DGKI: variants seen among roughly 807,000 people sequenced by gnomAD.
DGKI encodes diacylglycerol kinase iota.
In DGKI, 55 loss-of-function variants were observed where a neutral mutation model predicts 147.5. The ratio of observed to expected loss-of-function variants is 0.37; its 90% CI spans 0.30 to 0.47. The LOEUF is 0.47. Among genes scored for constraint, DGKI ranks in the 20% least tolerant of loss-of-function variants. DGKI has a pLI of 1.00. For synonymous variants in DGKI, 469 were observed against 477.1 expected, an observed-to-expected ratio of 0.98 and a Z score of 0.22; for missense variants, 1,007 against 1,323.8, an observed-to-expected ratio of 0.76 and a Z score of 3.71.
chr7:137,395,842 T>C lies in DGKI; in HGVS notation c.2958-145A>G, dbSNP rs892523816. The C allele has an allele frequency of 2.0e-5, 12 of 602,456 alleles. No individual in the cohort carries two copies. The African/African-American group carries it at 2.2e-4, about 11-fold the overall frequency. 37.3% of individuals were successfully genotyped at this position (602,456 alleles called of 1,614,324 possible). A position where few individuals can be genotyped will look rare whatever the true frequency, so the allele number is the denominator to read the frequency against. On this transcript the variant is annotated intron_variant, in intron 31 of 32. Coordinates refer to ENST00000614521, the MANE Select transcript of DGKI (RefSeq NM_001321708.2). ...GGCTGTAGGGTACATTCTGGGGAGG[T>C]AGGGAAGGGGATTTCTAAAAATTCC... is the stretch of plus-strand genomic sequence containing the variant.
intron 28 of DGKI, among the ~76,000 whole-genome samples, chr7:137,422,329 T>G (rs1378772091): frequency 6.6e-6 from 1 of 152,196 alleles, no homozygotes; most frequent in Non-Finnish European, 1.5e-5. Flanking sequence ...AAATACCTTC[T>G]GGAAAATCTC....
intron 20 of DGKI, among the ~76,000 whole-genome samples, chr7:137,522,313 G>GTGGA (rs1038508397): frequency 6.6e-6 from 1 of 152,056 alleles, no homozygotes; most frequent in African/African-American, 2.4e-5. Context: ...GGGAGGTGGA[G>GTGGA]TGGAGCTTTA....
intron 3 of DGKI, among the ~76,000 whole-genome samples, chr7:137,672,983 T>C (rs1359533789): frequency 1.3e-5 from 2 of 151,984 alleles, no homozygotes; most frequent in Non-Finnish European, 2.9e-5. Flanking sequence ...GGTTTCTCCA[T>C]GTTAGTCAGG....
intron 6 of DGKI, 65 bp from the exon 7 acceptor site, chr7:137,623,619 C>T: frequency 7.1e-7 from 1 of 1,412,692 alleles, no homozygotes. Flanking sequence ...CATTTGCCCT[C>T]CTGAAGTGCA....
intron 20 of DGKI, among the ~76,000 whole-genome samples, chr7:137,550,247 C>T (rs1332811692): frequency 6.7e-6 from 1 of 149,954 alleles, no homozygotes; most frequent in Non-Finnish European, 1.5e-5. Flanking sequence ...CTCCATGAAA[C>T]TTCTGCCTTG....
intron 3 of DGKI, among the ~76,000 whole-genome samples, chr7:137,674,650 C>G (rs1293476362): frequency 6.6e-6 from 1 of 152,222 alleles, no homozygotes; most frequent in African/African-American, 2.4e-5. Flanking sequence ...TTCTCTGACA[C>G]ATGCTCATGC....
At chr7:137,751,644 C>G (rs748517015) in intron 1 of DGKI, among the ~76,000 whole-genome samples, 1 of 152,150 alleles carries the variant, frequency 6.6e-6, no homozygotes, top group Non-Finnish European at 1.5e-5. Flanking sequence ...AAGGAAAAGA[C>G]TAAATTAAAC....
At chr7:137,753,987 G>T (rs973453050) in intron 1 of DGKI, among the ~76,000 whole-genome samples, 1 of 152,110 alleles carries the variant, frequency 6.6e-6, no homozygotes, top group Admixed American at 6.5e-5. Context: ...GCGTGGAGGG[G>T]GAGGAGAAGA....
chr7:137,514,530 C>T (rs548322770), intron 21 of DGKI, among the ~76,000 whole-genome samples: 36 of 152,306 alleles, frequency 2.4e-4, no homozygotes, highest in African/African-American at 8.4e-4. Flanking sequence ...TTCCAATGAA[C>T]AAGCTCTCCT....
chr7:137,533,234 A>C (rs1348187301), intron 20 of DGKI, among the ~76,000 whole-genome samples: 1 of 152,116 alleles, frequency 6.6e-6, no homozygotes, highest in Non-Finnish European at 1.5e-5. Context: ...GATTGCAATC[A>C]ACTATAATAG....
chr7:137,428,174 C>G (rs980024384), intron 28 of DGKI, among the ~76,000 whole-genome samples: 1 of 146,542 alleles, frequency 6.8e-6, no homozygotes, highest in Non-Finnish European at 1.5e-5. Flanking sequence ...CAAAACGAAT[C>G]CAGCAGCACA....
chr7:137,823,516 T>C (rs1260811411), intron 1 of DGKI, among the ~76,000 whole-genome samples: 3 of 152,024 alleles, frequency 2.0e-5, no homozygotes, highest in African/African-American at 7.3e-5. Context: ...CATCTAAAAA[T>C]AGGAAGAGAG....
At chr7:137,521,561 G>A (rs2293549) in intron 21 of DGKI, among the ~76,000 whole-genome samples, 3,993 of 152,128 alleles carry the variant, frequency 0.026, 174 homozygotes, top group East Asian at 0.11. Flanking sequence ...CTATACCATT[G>A]GTATCACGAA....
At position 137,638,678 on chromosome 7, in the gene DGKI, G is replaced by T. The variant is rs551013372; in HGVS notation, c.804+6794C>A. On this transcript the variant is annotated intron_variant, in intron 6 of 32. Transcript: ENST00000614521. ...TACACACATATGTATATATACACAC[G>T]TATGTACACACAGATACATATGTAC... 4.5e-4 allele frequency among the ~76,000 whole-genome samples: 55 copies of T among 123,030 alleles called. 7 individuals are homozygous for T. Among genetic ancestry groups the T allele is most frequent in the African/African-American group, 1.6e-3 (47 of 29,696 alleles). The allele number at this position is 123,030 out of a possible 152,430, so 80.7% of individuals were successfully genotyped here.
At chr7:137,418,521 CAT>C (rs1277081256) in intron 28 of DGKI, among the ~76,000 whole-genome samples, 1 of 152,070 alleles carries the variant, frequency 6.6e-6, no homozygotes, top group Non-Finnish European at 1.5e-5. Flanking sequence ...TTGGCAAAGC[CAT>C]ATATATATGT....
Position 137,520,356 on chromosome 7 carries a change from T to C in DGKI, c.2248+1510A>G, listed in dbSNP as rs192434689. On this transcript the variant is annotated intron_variant, in intron 21 of 32. Transcript: ENST00000614521. ...ACACTGTTCTTTATGATTAGTAACC[T>C]TTAGAACTCAATTTAATTTGCATTG... Among the ~76,000 whole-genome samples the C allele has an allele frequency of 3.0e-3, 450 of 152,248 alleles. 3 individuals carry two copies. Among genetic ancestry groups the C allele is most frequent in the South Asian group, 0.022 (107 of 4,828 alleles).
chr7:137,502,935 G>A (rs7781327), intron 21 of DGKI, among the ~76,000 whole-genome samples: 9,710 of 152,158 alleles, frequency 0.064, 757 homozygotes, highest in African/African-American at 0.19. Context: ...AGTCCCATAT[G>A]TAGAGCTTCA....
At chr7:137,724,210 G>A (rs1794654854) in intron 1 of DGKI, among the ~76,000 whole-genome samples, 2 of 152,170 alleles carry the variant, frequency 1.3e-5, no homozygotes, top group South Asian at 2.1e-4. Context: ...CTCAGCAAGC[G>A]AGGGAGGAGG....
At chr7:137,596,991 T>C (rs1198664945) in intron 12 of DGKI, among the ~76,000 whole-genome samples, 1 of 152,220 alleles carries the variant, frequency 6.6e-6, no homozygotes, top group East Asian at 1.9e-4. Flanking sequence ...CTAAATGTCA[T>C]GATTCTCAAT....
Sources: allele counts gnomAD v4.1 joint callset (sites outside exome capture counted in the v4.1 genomes callset), GRCh38; gene constraint gnomAD v4.1.1; transcripts MANE v1.5; gene names NCBI Gene and HGNC (gene_info 2026-07-23, HGNC 2026-07-21).